Variants in BCO1 observed in about 807,000 individuals in gnomAD.
BCO1 encodes the protein beta-carotene oxygenase 1.
BCO1 carries 54 observed loss-of-function variants against 56.3 expected under a neutral mutation model. That is an observed-to-expected ratio of 0.96 (90% confidence interval 0.77 to 1.20). BCO1 has a LOEUF of 1.20. Ranked by LOEUF, BCO1 falls within the 50% of genes most tolerant of loss-of-function variation. BCO1 has a pLI of 0.00. For missense variants in BCO1, 801 were observed against 690.9 expected (o/e 1.16, Z -1.79); for synonymous variants, 318 against 266.1 (o/e 1.20, Z -1.90).
At chr16:81,272,032 C>A (rs566695514) in intron 7 of BCO1, among the ~76,000 whole-genome samples, 4 of 152,180 alleles carry the variant, frequency 2.6e-5, no homozygotes, top group Non-Finnish European at 5.9e-5. Context: ...CAGGTGTGAG[C>A]CACAGTGCCC....
intron 9 of BCO1, among the ~76,000 whole-genome samples, chr16:81,286,768 G>A (rs1194937442): frequency 6.6e-6 from 1 of 151,898 alleles, no homozygotes; most frequent in Non-Finnish European, 1.5e-5. Flanking sequence ...GGTGGCCAGA[G>A]GACCCATGTT....
intron 7 of BCO1, among the ~76,000 whole-genome samples, chr16:81,275,359 C>G (rs1286062678): frequency 6.6e-6 from 1 of 152,230 alleles, no homozygotes; most frequent in Admixed American, 6.5e-5. Context: ...CGGGGAAGCC[C>G]AGGCCCGGGT....
intron 8 of BCO1, among the ~76,000 whole-genome samples, chr16:81,284,839 C>CTTTTT (rs763583150): frequency 7.3e-5 from 10 of 136,406 alleles, no homozygotes; most frequent in Non-Finnish European, 9.5e-5. Flanking sequence ...CTTTTCTTTT[C>CTTTTT]TTTTTTTTTT....
Position 81,264,683 on chromosome 16 carries a change from A to G in BCO1, c.515A>G (p.His172Arg), listed in dbSNP as rs1324730047. The G allele has an allele frequency of 6.2e-7, 1 of 1,614,202 alleles. No individual in the cohort carries two copies. The highest frequency in any genetic ancestry group is 8.5e-7 in the Non-Finnish European group (1 of 1,180,014). ...KYVAVNLATS[H>R]PHYDEAGNVL... ...GTGGCGGTAAATCTGGCAACGTCAC[A>G]TCCCCATTATGATGAGGCTGGAAAT... Residue 172 changes from histidine to arginine, a missense_variant, in exon 5 of 11, where the codon CAT becomes CGT. By Grantham distance (29) the His-to-Arg change is conservative. Transcript: ENST00000258168.
Position 81,245,575 on chromosome 16 carries a change from C to T in BCO1, c.165C>T (p.Ala55=). The change falls in exon 2 of 11, where the codon GCC becomes GCT. Residue 55 remains alanine, a synonymous_variant. Transcript: ENST00000258168. The part of the protein sequence containing the change: ...SRYNHWFDGL[A]LLHSFTIRDG... The stretch of plus-strand genomic sequence containing the variant: ...ACAACCATTGGTTCGACGGCCTTGC[C>T]CTGCTCCACAGCTTCACCATCAGAG... 1 of 1,614,208 alleles carries T rather than the reference C, an allele frequency of 6.2e-7. No homozygotes were observed. Among genetic ancestry groups the T allele is most frequent in the Non-Finnish European group, 8.5e-7 (1 of 1,180,036 alleles).
At chr16:81,248,748 A>T (rs1905586815) in intron 2 of BCO1, among the ~76,000 whole-genome samples, 1 of 152,154 alleles carries the variant, frequency 6.6e-6, no homozygotes, top group South Asian at 2.1e-4. Flanking sequence ...GCGGTGGCTC[A>T]CGCCTGTAAT....
At chr16:81,246,185 C>T (rs1905404421) in intron 2 of BCO1, among the ~76,000 whole-genome samples, 1 of 152,128 alleles carries the variant, frequency 6.6e-6, no homozygotes, top group Non-Finnish European at 1.5e-5. Flanking sequence ...CTCTCTCTCT[C>T]TCCTTCCATC....
In BCO1 at chr16:81,280,887, G is replaced by A; in HGVS notation, c.1132G>A (p.Val378Met). The A allele has an allele frequency of 1.9e-6, 3 of 1,614,078 alleles. No homozygotes were observed. Among genetic ancestry groups the A allele is most frequent in the Non-Finnish European group, 2.5e-6 (3 of 1,179,938 alleles). ...NAEVGTNLIK[V>M]ASTTATALKE... ...AGAAGTGGGCACAAATTTAATCAAA[G>A]TGGCATCTACAACAGCCACGGCCCT... is the stretch of plus-strand genomic sequence containing the variant. The change falls in exon 8 of 11, where the codon GTG becomes ATG. Residue 378 changes from valine (V) to methionine (M), a missense_variant. Transcript: ENST00000258168.
chr16:81,251,151 G>C (rs1286173830), intron 2 of BCO1, among the ~76,000 whole-genome samples: 1 of 151,736 alleles, frequency 6.6e-6, no homozygotes, highest in Non-Finnish European at 1.5e-5. Flanking sequence ...TGCAGGTTAG[G>C]TGCTTAAGAC....
At position 81,251,009 on chromosome 16, in the gene BCO1, C is replaced by T. The variant is rs867855350; in HGVS notation, c.193+5406C>T. Among the ~76,000 whole-genome samples the T allele has an allele frequency of 8.5e-4, 129 of 152,262 alleles. 1 individual carries two copies. The highest frequency in any genetic ancestry group is 2.9e-3 in the African/African-American group (121 of 41,578). ...GCCCTCTGAGGTTTGACAATCCCTC[C>T]ACAATGGGCCTCTAGCCTGGCTGCC... On this transcript the variant is annotated intron_variant, in intron 2 of 10. Transcript: ENST00000258168.
chr16:81,276,414 A>G (rs1292965405), intron 7 of BCO1, among the ~76,000 whole-genome samples: 1 of 152,194 alleles, frequency 6.6e-6, no homozygotes, highest in African/African-American at 2.4e-5. Context: ...CTTGCTTCCA[A>G]TACCCGTCTT....
chr16:81,274,616 C>T (rs891134054), intron 7 of BCO1, among the ~76,000 whole-genome samples: 2 of 152,042 alleles, frequency 1.3e-5, no homozygotes, highest in South Asian at 4.2e-4. Flanking sequence ...CAGTGGCTCA[C>T]GCCTGTAATC....
At chr16:81,263,535 CCTAT>C (rs1906629166) in intron 4 of BCO1, 1 of 152,212 alleles carries the variant, frequency 6.6e-6, no homozygotes, top group Non-Finnish European at 1.5e-5. Context: ...AGGACTTCAA[CCTAT>C]CTTTTTTGCA....
rs119478057 is a variant in BCO1 at position 81,264,677 on chromosome 16, C to T, written c.509C>T (p.Thr170Met). ...YRKYVAVNLA[T>M]SHPHYDEAGN... ...AAATACGTGGCGGTAAATCTGGCAACGTCACATCCCCATTATGATGAGGCT... is the reference window on the plus strand; with the variant it reads ...AAATACGTGGCGGTAAATCTGGCAATGTCACATCCCCATTATGATGAGGCT... Residue 170 changes from threonine (T) to methionine (M), a missense_variant, in exon 5 of 11, where the codon ACG becomes ATG. Coordinates refer to ENST00000258168, the MANE Select transcript of BCO1 (RefSeq NM_017429.3). 2,905 of 1,614,096 alleles carry T rather than the reference C, an allele frequency of 1.8e-3. 4 individuals are homozygous for T. The highest frequency in any genetic ancestry group is 2.2e-3 in the Non-Finnish European group (2,640 of 1,179,976).
intron 2 of BCO1, among the ~76,000 whole-genome samples, chr16:81,249,149 G>A (rs979668388): frequency 6.7e-6 from 1 of 148,758 alleles, no homozygotes; most frequent in Non-Finnish European, 1.5e-5. Flanking sequence ...GGAGTGTGGT[G>A]GCGCAATCTC....
intron 7 of BCO1, among the ~76,000 whole-genome samples, chr16:81,271,181 C>G (rs1371312009): frequency 6.6e-6 from 1 of 151,936 alleles, no homozygotes; most frequent in Non-Finnish European, 1.5e-5. Flanking sequence ...GTGCCATGAT[C>G]TAAGCTCACT....
chr16:81,278,655 G>T (rs930837723), intron 7 of BCO1, among the ~76,000 whole-genome samples: 6 of 152,146 alleles, frequency 3.9e-5, no homozygotes, highest in Non-Finnish European at 7.4e-5. Flanking sequence ...CAATGGAGTT[G>T]TTAGGGAAGG....
intron 1 of BCO1, among the ~76,000 whole-genome samples, chr16:81,239,956 C>T (rs2151922358): frequency 6.6e-6 from 1 of 152,116 alleles, no homozygotes; most frequent in Middle Eastern, 3.4e-3. Flanking sequence ...TTTTCATCTG[C>T]TAGATGGACT....
intron 3 of BCO1, among the ~76,000 whole-genome samples, chr16:81,261,265 C>T (rs1030088280): frequency 6.6e-6 from 1 of 152,164 alleles, no homozygotes; most frequent in Admixed American, 6.6e-5. Flanking sequence ...CCCAATACAC[C>T]GATACAGGAT....
Sources: allele counts gnomAD v4.1 joint callset (sites outside exome capture counted in the v4.1 genomes callset), GRCh38; gene constraint gnomAD v4.1.1; transcripts MANE v1.5; gene names NCBI Gene and HGNC (gene_info 2026-07-23, HGNC 2026-07-21).